VPS26C: variants seen among roughly 807,000 people sequenced by gnomAD.
VPS26C encodes the protein vacuolar protein sorting-associated protein 26C.
In VPS26C, 19 loss-of-function variants were observed where a neutral mutation model predicts 30.6. That is an observed-to-expected ratio of 0.62 (90% CI 0.43 to 0.91). The LOEUF (loss-of-function observed/expected upper bound fraction) is 0.91. Ranked by LOEUF, VPS26C falls within the 40% of genes least tolerant of loss-of-function variation. The probability of loss-of-function intolerance (pLI) is 0.00; values close to 1 mark genes in which losing one functional copy is unlikely to be tolerated. For missense variants in VPS26C, 318 were observed against 385.1 expected, an observed-to-expected ratio of 0.83 and a Z score of 1.46; for synonymous variants, 132 against 151.5, an observed-to-expected ratio of 0.87 and a Z score of 0.95.
At chr21:37,248,174 G>C (rs1037814173) in intron 1 of VPS26C, among the ~76,000 whole-genome samples, 1 of 151,944 alleles carries the variant, frequency 6.6e-6, no homozygotes, top group Non-Finnish European at 1.5e-5. Context: ...AAGAAACAAG[G>C]ATACAGAAGA....
chr21:37,240,611 G>C lies in VPS26C; in HGVS notation c.86C>G (p.Ser29Trp). The part of the protein sequence containing the change: ...GEVLSGVVVI[S>W]SKDSVQHQGV... ...CTGGTGTTGGACTGAATCCTTACTC[G>C]ATATGACCACCACGCCAGAGAGCAC... The change falls in exon 2 of 8, where the codon TCG (serine) becomes TGG (tryptophan). Residue 29 changes from serine (S) to tryptophan (W), a missense_variant. Transcript: ENST00000309117. 1 of 1,614,112 alleles carries C rather than the reference G, an allele frequency of 6.2e-7. No homozygotes were observed. The highest frequency in any genetic ancestry group is 8.5e-7 in the Non-Finnish European group (1 of 1,180,008).
Position 37,233,067 on chromosome 21 carries a change from G to C in VPS26C, c.432+295C>G, listed in dbSNP as rs557676545. Among the ~76,000 whole-genome samples, 4 of 152,302 alleles carry C rather than the reference G, an allele frequency of 2.6e-5. No homozygotes were observed. In the East Asian group the frequency reaches 5.8e-4, roughly 22 times the overall value. ...CCTGGCATTTTTTATCCAGGGGCTG[G>C]GATGCAAAGGGCCAGTCTACCATCC... On this transcript the variant is annotated intron_variant, in intron 4 of 7. Coordinates refer to ENST00000309117, the MANE Select transcript of VPS26C (RefSeq NM_006052.2). The surrounding 1 kb of genome is among the most constrained non-coding windows in gnomAD (Gnocchi z 5.2).
intron 1 of VPS26C, among the ~76,000 whole-genome samples, chr21:37,262,378 C>A (rs1015218409): frequency 4.6e-5 from 7 of 152,160 alleles, no homozygotes; most frequent in Non-Finnish European, 7.4e-5. Flanking sequence ...CAGCTTCTCC[C>A]TTTTCCCCCC....
At chr21:37,230,368 C>T (rs905058906) in intron 5 of VPS26C, 6 of 152,208 alleles carry the variant, frequency 3.9e-5, no homozygotes, top group African/African-American at 1.2e-4. Flanking sequence ...TAAACCTATA[C>T]TATTTTGAGT....
intron 1 of VPS26C, 144 bp downstream of exon 1, chr21:37,267,079 GACGCACCTGGCGGGA>G (rs948410748): frequency 2.4e-5 from 17 of 718,404 alleles, no homozygotes; most frequent in Non-Finnish European, 3.7e-5. Context: ...ACCTGGCGGG[GACGCACCTGGCGGGA>G]ACGCACCCAC....
upstream of VPS26C, chr21:37,267,542 G>C (rs2086382420): frequency 3.6e-6 from 2 of 560,458 alleles, no homozygotes; most frequent in African/African-American, 3.9e-5. Flanking sequence ...CGCCCCCTCT[G>C]GGCGTGAAAG....
intron 1 of VPS26C, among the ~76,000 whole-genome samples, chr21:37,253,690 TA>T (rs2086215688): frequency 6.6e-6 from 1 of 152,208 alleles, no homozygotes; most frequent in Non-Finnish European, 1.5e-5. Flanking sequence ...AAAATTATGT[TA>T]ATAGAGACTA....
chr21:37,234,477 G>A (rs768641859), intron 3 of VPS26C, among the ~76,000 whole-genome samples: 15 of 152,114 alleles, frequency 9.9e-5, no homozygotes, highest in Non-Finnish European at 1.8e-4. Flanking sequence ...GGCTTTGAAC[G>A]GAGACTGTTG....
Position 37,253,025 on chromosome 21 carries a change from C to T in VPS26C, c.58-12386G>A, listed in dbSNP as rs548078195. Among the ~76,000 whole-genome samples, 44 of 152,182 alleles carry T rather than the reference C, an allele frequency of 2.9e-4. 1 individual carries two copies. The Middle Eastern group carries it at 0.014, about 47-fold the overall frequency. On this transcript the variant is annotated intron_variant, in intron 1 of 7. Transcript: ENST00000309117. Reference sequence around the variant, plus strand: ...GAGTCATCTACTGTTTGTAATTATACCTGTTTTTAAAAAACACAGAAATTA... The same window carrying T: ...GAGTCATCTACTGTTTGTAATTATATCTGTTTTTAAAAAACACAGAAATTA...
chr21:37,231,869 GTC>G, intron 5 of VPS26C: 1 of 155,916 alleles, frequency 6.4e-6, no homozygotes, highest in Non-Finnish European at 1.4e-5. Flanking sequence ...CTGCCCAGGC[GTC>G]TGTGTCCTCA....
chr21:37,250,899 CAAAAAAA>C (rs11450988), intron 1 of VPS26C, among the ~76,000 whole-genome samples: 123 of 78,158 alleles, frequency 1.6e-3, no homozygotes, highest in African/African-American at 6.3e-3. Flanking sequence ...GACTCCATTT[CAAAAAAA>C]AAAAAAAAAA....
chr21:37,238,663 C>T (rs1048557875), intron 2 of VPS26C, 54 bp from the exon 3 acceptor site: 26 of 1,595,290 alleles, frequency 1.6e-5, no homozygotes, highest in Non-Finnish European at 2.1e-5. Context: ...ATGTCCTTTC[C>T]AATTACTAAT....
intron 1 of VPS26C, among the ~76,000 whole-genome samples, chr21:37,247,992 G>A (rs1309103303): frequency 1.3e-5 from 2 of 152,108 alleles, no homozygotes; most frequent in Admixed American, 6.5e-5. Context: ...GCAGCATAGC[G>A]AGACCCTGTC....
chr21:37,232,422 G>A lies in VPS26C; in HGVS notation c.462C>T (p.Pro154=), dbSNP rs768668282. 50 of 1,614,106 alleles carry A rather than the reference G, an allele frequency of 3.1e-5. No homozygotes were observed. Among genetic ancestry groups the A allele is most frequent in the East Asian group, 8.9e-5 (4 of 44,902 alleles). ...TTTCAGGTGTAATCGTGAAGTCCACGGGACTGGGAGTAAACTTCCCCTTCT... is the reference window on the plus strand; with the variant it reads ...TTTCAGGTGTAATCGTGAAGTCCACAGGACTGGGAGTAAACTTCCCCTTCT... The part of the protein sequence containing the change: ...APQKGKFTPS[P]VDFTITPETL... The change falls in exon 5 of 8, where the codon CCC becomes CCT. Residue 154 remains proline (P), a synonymous_variant. Transcript: ENST00000309117.
intron 1 of VPS26C, among the ~76,000 whole-genome samples, chr21:37,245,792 T>A (rs1047371064): frequency 6.6e-6 from 1 of 152,074 alleles, no homozygotes; most frequent in Non-Finnish European, 1.5e-5. Context: ...TAAAGTCCGA[T>A]GAGACAATTG....
In VPS26C at chr21:37,257,495, G is replaced by A. The variant is rs534069193; in HGVS notation, c.57+9743C>T. On this transcript the variant is annotated intron_variant, in intron 1 of 7. Transcript: ENST00000309117. The surrounding 1 kb of genome is among the most constrained non-coding windows in gnomAD (Gnocchi z 4.2). ...TGAACGGAAGCTTAAACCTAGAAAA[G>A]TAACTGGGTTGGGGTGGGGGTGTAG... is the stretch of plus-strand genomic sequence containing the variant. Among the ~76,000 whole-genome samples, 1 of 152,362 alleles carries A rather than the reference G, an allele frequency of 6.6e-6. No individual in the cohort carries two copies. Among genetic ancestry groups the A allele is most frequent in the Non-Finnish European group, 1.5e-5 (1 of 68,034 alleles).
intron 4 of VPS26C, chr21:37,232,687 T>C: frequency 1.7e-6 from 1 of 585,440 alleles, no homozygotes; most frequent in Non-Finnish European, 3.0e-6. Flanking sequence ...CCAACGTGCC[T>C]TTCAGATTCA....
intron 6 of VPS26C, 136 bp downstream of exon 6, chr21:37,228,087 C>T: frequency 1.5e-6 from 2 of 1,318,424 alleles, no homozygotes; most frequent in Non-Finnish European, 2.1e-6. Context: ...CACCCTCCCA[C>T]CTCAGCCTCC....
intron 1 of VPS26C, among the ~76,000 whole-genome samples, chr21:37,242,618 A>G (rs2086099037): frequency 6.6e-6 from 1 of 152,156 alleles, no homozygotes; most frequent in African/African-American, 2.4e-5. Flanking sequence ...ATCCACTAGT[A>G]TATTTTTTAA....
Sources: gnomAD v4.1 joint callset for allele counts (sites outside exome capture counted in the v4.1 genomes callset) on GRCh38, gnomAD v4.1.1 for gene constraint, Gnocchi (gnomAD v3.1) non-coding constraint, MANE v1.5 for transcripts, NCBI Gene and HGNC (gene_info 2026-07-23, HGNC 2026-07-21) for gene names.